Variants in SLC35F1 observed in about 807,000 individuals in gnomAD.
SLC35F1 encodes solute carrier family 35 member F1.
Under a neutral mutation model 48.7 loss-of-function variants are expected in SLC35F1, and 14 were observed. That is an observed-to-expected ratio of 0.29 (90% confidence interval 0.19 to 0.45). The LOEUF (loss-of-function observed/expected upper bound fraction) is 0.45. Ranked by LOEUF, SLC35F1 falls within the 20% of genes least tolerant of loss-of-function variation. The pLI, the probability that SLC35F1 is intolerant of heterozygous loss-of-function variation, is 1.00. For missense variants in SLC35F1, 404 were observed against 500.0 expected (o/e 0.81, Z 1.83); for synonymous variants, 190 against 202.2 (o/e 0.94, Z 0.51).
chr6:118,122,578 G>A (rs1773567254), intron 1 of SLC35F1, among the ~76,000 whole-genome samples: 1 of 152,164 alleles, frequency 6.6e-6, no homozygotes, highest in African/African-American at 2.4e-5. Context: ...TTTATTGTGC[G>A]CGTTTAGTAT....
At chr6:118,238,318 A>G (rs906631111) in intron 3 of SLC35F1, among the ~76,000 whole-genome samples, 9 of 151,936 alleles carry the variant, frequency 5.9e-5, no homozygotes, top group African/African-American at 2.2e-4. Context: ...ACAGTTGTGC[A>G]CCTCTGTAGT....
At chr6:118,220,409 C>T (rs1269367919) in intron 2 of SLC35F1, among the ~76,000 whole-genome samples, 1 of 152,090 alleles carries the variant, frequency 6.6e-6, no homozygotes, top group Admixed American at 6.6e-5. Context: ...CAACGTAGAA[C>T]AGATATCAAA....
chr6:118,139,114 CT>C (rs1053743375), intron 1 of SLC35F1, among the ~76,000 whole-genome samples: 8 of 151,200 alleles, frequency 5.3e-5, no homozygotes, highest in Admixed American at 4.0e-4. Flanking sequence ...AAACTGTCTT[CT>C]TTTTTTTTGT....
At chr6:118,146,623 T>G (rs1773976925) in intron 1 of SLC35F1, among the ~76,000 whole-genome samples, 1 of 152,238 alleles carries the variant, frequency 6.6e-6, no homozygotes, top group Admixed American at 6.5e-5. Flanking sequence ...TAAATTTATT[T>G]GACTACATGG....
chr6:118,056,338 T>C (rs1772462989), intron 1 of SLC35F1, among the ~76,000 whole-genome samples: 1 of 152,206 alleles, frequency 6.6e-6, no homozygotes, highest in Non-Finnish European at 1.5e-5. Flanking sequence ...TAATGTTTTT[T>C]CTAAGAATTA....
At chr6:118,261,794 C>G (rs1775715768) in intron 3 of SLC35F1, among the ~76,000 whole-genome samples, 1 of 152,090 alleles carries the variant, frequency 6.6e-6, no homozygotes, top group Non-Finnish European at 1.5e-5. Flanking sequence ...ACCGATGACC[C>G]AGAGGACTTC....
intron 1 of SLC35F1, among the ~76,000 whole-genome samples, chr6:118,046,291 C>T (rs1213885127): frequency 6.6e-6 from 1 of 152,122 alleles, no homozygotes; most frequent in African/African-American, 2.4e-5. Context: ...ACCAGTGAAG[C>T]TGTGATAGTG....
chr6:118,246,226 T>C (rs1775505756), intron 3 of SLC35F1, among the ~76,000 whole-genome samples: 1 of 152,188 alleles, frequency 6.6e-6, no homozygotes. Flanking sequence ...AGATGCTTCC[T>C]TGCTAAAGAA....
chr6:118,237,664 A>G (rs563801775), intron 3 of SLC35F1, among the ~76,000 whole-genome samples: 1 of 152,316 alleles, frequency 6.6e-6, no homozygotes, highest in Admixed American at 6.5e-5. Flanking sequence ...TGCTGGGATT[A>G]CAGGCATGAG....
At chr6:118,003,329 C>T (rs1777130843) in intron 1 of SLC35F1, among the ~76,000 whole-genome samples, 1 of 152,208 alleles carries the variant, frequency 6.6e-6, no homozygotes, top group Admixed American at 6.5e-5. Context: ...TTATGAGATT[C>T]TATAAACATA....
intron 1 of SLC35F1, among the ~76,000 whole-genome samples, chr6:118,117,705 C>T (rs1282524965): frequency 6.6e-6 from 1 of 152,136 alleles, no homozygotes; most frequent in Non-Finnish European, 1.5e-5. Context: ...TTTCATCCCC[C>T]TAAAAAGATT....
chr6:118,120,287 A>G (rs1773535611), intron 1 of SLC35F1, among the ~76,000 whole-genome samples: 1 of 152,146 alleles, frequency 6.6e-6, no homozygotes, highest in African/African-American at 2.4e-5. Flanking sequence ...CCATCCACCC[A>G]CTTTTGCATG....
intron 1 of SLC35F1, among the ~76,000 whole-genome samples, chr6:118,078,797 A>G (rs1282421566): frequency 1.3e-5 from 2 of 152,106 alleles, no homozygotes; most frequent in East Asian, 1.9e-4. Context: ...GTGGGGAGAC[A>G]TCTGATGTTC....
chr6:118,278,221 C>G lies in SLC35F1; in HGVS notation c.847+675C>G, dbSNP rs548592908. On this transcript the variant is annotated intron_variant, in intron 6 of 7. Transcript: ENST00000360388. ...CTCAGCAAGCCCTAAAAGGGACTGA[C>G]ATTTGCTACCCTCAGAAGGTGTCTC... Among the ~76,000 whole-genome samples the G allele has an allele frequency of 7.7e-4, 117 of 152,316 alleles. 1 individual carries two copies. Among genetic ancestry groups the G allele is most frequent in the African/African-American group, 2.8e-3 (115 of 41,566 alleles).
At chr6:118,061,586 G>GTATATATA (rs780630752) in intron 1 of SLC35F1, among the ~76,000 whole-genome samples, 20,078 of 144,544 alleles carry the variant, frequency 0.14, 1,538 homozygotes, top group East Asian at 0.24. Context: ...GTGTGTGTGT[G>GTATATATA]TGTGTATATA....
At chr6:118,197,268 A>G (rs1262311999) in intron 2 of SLC35F1, among the ~76,000 whole-genome samples, 1 of 147,140 alleles carries the variant, frequency 6.8e-6, no homozygotes, top group African/African-American at 2.5e-5. Flanking sequence ...CTTCCTTTCT[A>G]TTTCTTTTTT....
At chr6:118,161,122 G>T (rs1357429276) in intron 2 of SLC35F1, among the ~76,000 whole-genome samples, 1 of 151,840 alleles carries the variant, frequency 6.6e-6, no homozygotes, top group African/African-American at 2.4e-5. Context: ...AATAAAATAG[G>T]CCTATCAGAT....
chr6:118,279,318 G>A (rs2114634829), intron 6 of SLC35F1, among the ~76,000 whole-genome samples: 1 of 152,120 alleles, frequency 6.6e-6, no homozygotes, highest in South Asian at 2.1e-4. Flanking sequence ...GGCCTCAAAG[G>A]GGAATCAAAT....
At chr6:118,195,753 A>T (rs1309285937) in intron 2 of SLC35F1, among the ~76,000 whole-genome samples, 1 of 152,116 alleles carries the variant, frequency 6.6e-6, no homozygotes, top group Non-Finnish European at 1.5e-5. Context: ...TGGAACAGAA[A>T]TTTGTTCAAA....
Sources: allele counts gnomAD v4.1 joint callset (sites outside exome capture counted in the v4.1 genomes callset), GRCh38; gene constraint gnomAD v4.1.1; transcripts MANE v1.5; gene names NCBI Gene and HGNC (gene_info 2026-07-23, HGNC 2026-07-21).